The following ADAMTS16 variants were observed in gnomAD, a reference collection of about 807,000 sequenced individuals.
ADAMTS16 encodes A disintegrin and metalloproteinase with thrombospondin motifs 16.
A neutral mutation model predicts 145.8 loss-of-function variants in ADAMTS16; 94 were observed. The observed-to-expected ratio is 0.64, with a 90% CI of 0.55 to 0.77. The LOEUF (loss-of-function observed/expected upper bound fraction) is 0.77. ADAMTS16 is among the 30% of genes least tolerant of loss of function. The pLI is 0.00. For missense variants in ADAMTS16, 1,585 were observed against 1,591.5 expected (o/e 1.00, Z 0.07); for synonymous variants, 659 against 604.3 (o/e 1.09, Z -1.33).
intron 4 of ADAMTS16, among the ~76,000 whole-genome samples, chr5:5,183,428 T>A (rs560806388): frequency 3.7e-4 from 57 of 152,316 alleles, no homozygotes; most frequent in African/African-American, 1.3e-3. Flanking sequence ...GAGTCAGGAC[T>A]CTGCTGCCAG....
intron 3 of ADAMTS16, among the ~76,000 whole-genome samples, chr5:5,173,482 T>C (rs1378895547): frequency 6.6e-6 from 1 of 152,078 alleles, no homozygotes; most frequent in Non-Finnish European, 1.5e-5. Flanking sequence ...TACTTTTTTT[T>C]TTTATTTTTG....
rs1734295544 is a variant in ADAMTS16, at chr5:5,146,302, C to G, written c.348C>G (p.Ser116Arg). The change falls in exon 3 of 23, where the codon AGC (serine) becomes AGG (arginine). Residue 116 changes from serine to arginine, a missense_variant. Physicochemically the swap from Ser to Arg is moderately radical, Grantham distance 110. Transcript: ENST00000274181. ...HDFHMDLRTS[S>R]SLVAPGFIVQ... Reference sequence around the variant, plus strand: ...TCCACATGGATCTGAGGACTTCCAGCAGCCTAGTGGCTCCTGGCTTTATTG... The same window carrying G: ...TCCACATGGATCTGAGGACTTCCAGGAGCCTAGTGGCTCCTGGCTTTATTG... 1 of 1,614,064 alleles carries G rather than the reference C, an allele frequency of 6.2e-7. No homozygotes were observed.
Position 5,158,785 on chromosome 5 carries a change from G to C in ADAMTS16, c.501+12330G>C, listed in dbSNP as rs184746830. 2.5e-3 allele frequency among the ~76,000 whole-genome samples: 385 copies of C among 152,348 alleles called. 1 individual carries two copies. Among genetic ancestry groups the C allele is most frequent in the African/African-American group, 8.2e-3 (340 of 41,586 alleles). On this transcript the variant is annotated intron_variant, in intron 3 of 22. Transcript: ENST00000274181. ...CAACTCAAGCAACTAAGTGGCATTTGTCCAGCTCTTAGCCTTTTGTATCTA... is the reference window on the plus strand; with the variant it reads ...CAACTCAAGCAACTAAGTGGCATTTCTCCAGCTCTTAGCCTTTTGTATCTA...
intron 16 of ADAMTS16, among the ~76,000 whole-genome samples, chr5:5,240,413 G>A (rs1367578889): frequency 6.6e-6 from 1 of 152,176 alleles, no homozygotes; most frequent in Non-Finnish European, 1.5e-5. Flanking sequence ...CCAGTGCGGG[G>A]GTCACCCCCT....
chr5:5,246,451 G>C (rs2964424), intron 17 of ADAMTS16, among the ~76,000 whole-genome samples: 1 of 152,204 alleles, frequency 6.6e-6, no homozygotes, highest in African/African-American at 2.4e-5. Context: ...TTAGGGATTA[G>C]GTTTGAAAAA....
Position 5,140,452 on chromosome 5 carries a change from C to A in ADAMTS16, c.-16C>A. ...GGGACCCTCCGGTGGCCCCTAGCCCCTCGGAGCGCTCCTGGATGAAGCCCC... is the reference window on the plus strand; with the variant it reads ...GGGACCCTCCGGTGGCCCCTAGCCCATCGGAGCGCTCCTGGATGAAGCCCC... On this transcript the variant is annotated 5_prime_UTR_variant, in exon 1 of 23. Transcript: ENST00000274181. 6.6e-7 allele frequency: 1 copy of A among 1,504,696 alleles called. No individual in the cohort carries two copies. The highest frequency in any genetic ancestry group is 8.8e-7 in the Non-Finnish European group (1 of 1,135,138). 93.2% of individuals were successfully genotyped at this position (1,504,696 alleles called of 1,614,324 possible). A position where few individuals can be genotyped will look rare whatever the true frequency, so the allele number is the denominator to read the frequency against.
chr5:5,235,972 G>C (rs1169675418), intron 13 of ADAMTS16, among the ~76,000 whole-genome samples: 1 of 152,186 alleles, frequency 6.6e-6, no homozygotes, highest in Non-Finnish European at 1.5e-5. Context: ...CAATTTCCCG[G>C]AAGCATGTTT....
intron 15 of ADAMTS16, 108 bp from the exon 16 acceptor site, chr5:5,239,573 C>G: frequency 6.7e-7 from 1 of 1,484,660 alleles, no homozygotes. Flanking sequence ...TCACCCAGTT[C>G]CAAATGTGGA....
At chr5:5,291,932 G>A (rs1281498457) in intron 18 of ADAMTS16, among the ~76,000 whole-genome samples, 3 of 152,198 alleles carry the variant, frequency 2.0e-5, no homozygotes, top group African/African-American at 4.8e-5. Context: ...GGAGGGTGAC[G>A]TTCATTGTCA....
At chr5:5,282,043 C>T (rs1291978193) in intron 18 of ADAMTS16, among the ~76,000 whole-genome samples, 1 of 147,582 alleles carries the variant, frequency 6.8e-6, no homozygotes, top group Admixed American at 6.8e-5. Context: ...GTAGTATATG[C>T]TCACCCGTTG....
At chr5:5,187,913 A>AG in intron 6 of ADAMTS16, 105 bp downstream of exon 6, 1 of 688,470 alleles carries the variant, frequency 1.5e-6, no homozygotes, top group Admixed American at 3.3e-5. Context: ...TTCTCTCTCG[A>AG]GGGCAAAATG....
chr5:5,251,564 G>A (rs1737623573), intron 17 of ADAMTS16, among the ~76,000 whole-genome samples: 1 of 152,216 alleles, frequency 6.6e-6, no homozygotes, highest in Admixed American at 6.5e-5. Flanking sequence ...CTACAAATAT[G>A]TGTGCATGTG....
At chr5:5,140,836 A>G in intron 2 of ADAMTS16, 70 bp downstream of exon 2, 1 of 1,408,292 alleles carries the variant, frequency 7.1e-7, no homozygotes, top group Non-Finnish European at 9.5e-7. Context: ...CCGCTGGTTT[A>G]TTAGGTGCTG....
intron 3 of ADAMTS16, among the ~76,000 whole-genome samples, chr5:5,166,893 T>G (rs543716880): frequency 7.4e-4 from 113 of 152,284 alleles, no homozygotes; most frequent in African/African-American, 2.6e-3. Flanking sequence ...TTACAGCATC[T>G]CTTCCCTCCG....
At chr5:5,221,743 C>A (rs1190095362) in intron 10 of ADAMTS16, among the ~76,000 whole-genome samples, 2 of 152,122 alleles carry the variant, frequency 1.3e-5, no homozygotes, top group African/African-American at 4.8e-5. Context: ...GGTGTTAAAA[C>A]CCTTCATGAG....
chr5:5,166,585 G>T (rs755573), intron 3 of ADAMTS16, among the ~76,000 whole-genome samples: 37,131 of 152,058 alleles, frequency 0.24, 4,816 homozygotes, highest in Middle Eastern at 0.32. Context: ...AGTAGAGGGT[G>T]ATCTGGTTTA....
At position 5,182,116 on chromosome 5, in the gene ADAMTS16, G is replaced by A. The variant is rs757927637; in HGVS notation, c.574G>A (p.Gly192Ser). 3.4e-5 allele frequency: 55 copies of A among 1,613,960 alleles called. No homozygotes were observed. The highest frequency in any genetic ancestry group is 3.3e-4 in the Middle Eastern group (2 of 6,062). The change falls in exon 4 of 23, where the codon GGC becomes AGC. Residue 192 changes from glycine to serine, a missense_variant. Gly to Ser is a moderately conservative substitution (Grantham distance 56). This residue lies in a region of ADAMTS16 where 453 missense variants were observed against 412.1 expected (regional missense o/e 1.10). Transcript: ENST00000274181. ...TCCTTCACACCTCTCATGGAAACTC[G>A]GCAGAGCTGCCCAAGGCAGCTCGCC... ...PLPSHLSWKLGRAAQGSSPSH... is the reference protein window; with the variant it reads ...PLPSHLSWKLSRAAQGSSPSH...
rs1740168128 is a variant in ADAMTS16, at chr5:5,306,570, G to C, written c.3253G>C (p.Gly1085Arg). 6.2e-7 allele frequency: 1 copy of C among 1,614,206 alleles called. No homozygotes were observed. Among genetic ancestry groups the C allele is most frequent in the Non-Finnish European group, 8.5e-7 (1 of 1,180,046 alleles). Residue 1085 changes from glycine to arginine, a missense_variant, in exon 21 of 23, where the codon GGA (glycine) becomes CGA (arginine). By Grantham distance (125) the Gly-to-Arg change is moderately radical (BLOSUM62 -2). Coordinates refer to ENST00000274181, the MANE Select transcript of ADAMTS16 (RefSeq NM_139056.4). ...AAAATGTGCTGAAAAGTATGTTTCT[G>C]GAAAGTATCGAGAGCTGGCCTCAAA... ...FLKCAEKYVS[G>R]KYRELASKKC... is the part of the protein sequence containing the mutation.
chr5:5,273,284 G>C (rs1560066), intron 18 of ADAMTS16, among the ~76,000 whole-genome samples: 4,069 of 152,328 alleles, frequency 0.027, 66 homozygotes, highest in East Asian at 0.065. Flanking sequence ...CCAGCACTTT[G>C]GGGCAAGTGG....
Sources: gnomAD v4.1 joint callset for allele counts (sites outside exome capture counted in the v4.1 genomes callset) on GRCh38, gnomAD v4.1.1 for gene constraint, gnomAD v4.1.1 regional missense constraint, MANE v1.5 for transcripts, NCBI Gene and HGNC (gene_info 2026-07-23, HGNC 2026-07-21) for gene names.